The following CPNE4 variants were observed in gnomAD, a reference collection of about 807,000 sequenced individuals.
CPNE4 encodes the protein copine-4.
In CPNE4, 25 loss-of-function variants were observed where a neutral mutation model predicts 67.9. The observed-to-expected ratio is 0.37, with a 90% CI of 0.27 to 0.51. The LOEUF (loss-of-function observed/expected upper bound fraction) is 0.51. CPNE4 is among the 20% of genes least tolerant of loss of function. The pLI, the probability that CPNE4 is intolerant of heterozygous loss-of-function variation, is 0.93. For synonymous variants in CPNE4, 242 were observed against 244.9 expected (o/e 0.99, Z 0.11); for missense variants, 464 against 690.8 (o/e 0.67, Z 3.68).
intron 10 of CPNE4, among the ~76,000 whole-genome samples, chr3:131,567,421 CAT>C (rs1346699440): frequency 1.3e-5 from 2 of 151,852 alleles, no homozygotes; most frequent in African/African-American, 4.8e-5. Context: ...TAGAAAAAAA[CAT>C]ATCAGAGCTG....
intron 1 of CPNE4, among the ~76,000 whole-genome samples, chr3:131,919,680 TA>T (rs1259299532): frequency 1.3e-5 from 2 of 152,200 alleles, no homozygotes; most frequent in Non-Finnish European, 2.9e-5. Flanking sequence ...TGTACTCAGA[TA>T]AAATTTTACT....
chr3:131,801,424 G>GTA (rs2084117376), intron 2 of CPNE4, among the ~76,000 whole-genome samples: 1 of 77,046 alleles, frequency 1.3e-5, no homozygotes, highest in Non-Finnish European at 2.5e-5. Flanking sequence ...ACGTGTGTGT[G>GTA]TGTGTGTGTG....
intron 2 of CPNE4, among the ~76,000 whole-genome samples, chr3:131,774,726 T>C (rs1439227585): frequency 6.6e-6 from 1 of 152,112 alleles, no homozygotes; most frequent in African/African-American, 2.4e-5. Flanking sequence ...GGGAGACCCT[T>C]TGCTGCCTTT....
upstream of CPNE4, chr3:132,037,762 A>G (rs189551074): frequency 7.7e-4 from 468 of 609,034 alleles, 2 homozygotes; most frequent in African/African-American, 6.1e-3. Flanking sequence ...TGCCAATATG[A>G]AAGGCATCTC....
chr3:131,822,027 G>C (rs539832853), intron 2 of CPNE4, among the ~76,000 whole-genome samples: 1 of 152,342 alleles, frequency 6.6e-6, no homozygotes, highest in East Asian at 1.9e-4. Context: ...AATCTTGGGA[G>C]ATTGCTTACA....
At chr3:131,611,706 C>T (rs534534979) in intron 7 of CPNE4, among the ~76,000 whole-genome samples, 1 of 151,936 alleles carries the variant, frequency 6.6e-6, no homozygotes, top group East Asian at 1.9e-4. Context: ...CCTTTGCATA[C>T]CAGCCCCTGC....
rs185768060 is a variant in CPNE4, at chr3:131,969,290, G to A, written c.-1-63846C>T. On this transcript the variant is annotated intron_variant, in intron 1 of 15. Coordinates refer to ENST00000429747, the MANE Select transcript of CPNE4 (RefSeq NM_130808.3). ...TAAAACCTAGCTGACGGGTTGATGG[G>A]TGCAGCAAACCACCATGGCACATGT... Among the ~76,000 whole-genome samples, 736 of 151,976 alleles carry A rather than the reference G, an allele frequency of 4.8e-3. 4 individuals carry two copies. Among genetic ancestry groups the A allele is most frequent in the African/African-American group, 0.017 (684 of 41,424 alleles).
At chr3:131,810,883 A>G (rs2107938899) in intron 2 of CPNE4, among the ~76,000 whole-genome samples, 1 of 152,220 alleles carries the variant, frequency 6.6e-6, no homozygotes, top group South Asian at 2.1e-4. Flanking sequence ...GCCATTTGTG[A>G]CAACCTTGAT....
At chr3:131,947,339 T>C (rs2071582497) in intron 1 of CPNE4, among the ~76,000 whole-genome samples, 1 of 152,164 alleles carries the variant, frequency 6.6e-6, no homozygotes, top group African/African-American at 2.4e-5. Flanking sequence ...ATTTAGGTTT[T>C]AAACCCCACA....
chr3:131,638,654 C>T (rs1485594037), intron 7 of CPNE4, among the ~76,000 whole-genome samples: 2 of 152,060 alleles, frequency 1.3e-5, no homozygotes, highest in Admixed American at 1.3e-4. Flanking sequence ...CTTAACTATA[C>T]CCTAAAACAA....
chr3:131,894,067 T>A (rs1303399138), intron 2 of CPNE4, among the ~76,000 whole-genome samples: 7 of 151,784 alleles, frequency 4.6e-5, no homozygotes, highest in Admixed American at 6.6e-5. Flanking sequence ...CTTTAGATAG[T>A]CTAAACTGTT....
Position 131,535,173 on chromosome 3 carries a change from T to G in CPNE4, c.*22A>C, listed in dbSNP as rs1935064591. On this transcript the variant is annotated 3_prime_UTR_variant, in exon 16 of 16. Transcript: ENST00000429747. ...ATTAGCAGGAATAGTATTTCAGAAC[T>G]CTGTAAAACTGTGTGGGGAGTTCAT... 1 of 1,575,952 alleles carries G rather than the reference T, an allele frequency of 6.3e-7. No homozygotes were observed. The highest frequency in any genetic ancestry group is 1.4e-5 in the African/African-American group (1 of 73,636).
chr3:131,671,270 G>T (rs930377343), intron 6 of CPNE4, among the ~76,000 whole-genome samples: 1 of 152,062 alleles, frequency 6.6e-6, no homozygotes, highest in Admixed American at 6.5e-5. Flanking sequence ...GTACACTTAG[G>T]ATGATTAAAA....
intron 2 of CPNE4, among the ~76,000 whole-genome samples, chr3:131,800,196 TC>T (rs2084051458): frequency 6.6e-6 from 1 of 152,038 alleles, no homozygotes; most frequent in African/African-American, 2.4e-5. Context: ...TCTGTACCTA[TC>T]CAATGTGTAC....
chr3:131,738,362 G>GT (rs1392800329), intron 2 of CPNE4, among the ~76,000 whole-genome samples: 1 of 152,330 alleles, frequency 6.6e-6, no homozygotes. Context: ...TGAGCTGAAT[G>GT]TTTTTTGTAT....
At chr3:131,752,158 G>C (rs1312370574) in intron 2 of CPNE4, among the ~76,000 whole-genome samples, 1 of 151,998 alleles carries the variant, frequency 6.6e-6, no homozygotes, top group Non-Finnish European at 1.5e-5. Context: ...AGCCAGTGGG[G>C]GTGAAATCTC....
chr3:131,675,069 A>G (rs1350171239), intron 6 of CPNE4, among the ~76,000 whole-genome samples: 2 of 152,064 alleles, frequency 1.3e-5, no homozygotes, highest in South Asian at 2.1e-4. Context: ...TCATTGATCC[A>G]CTGGTCATTC....
At chr3:132,007,222 G>A (rs574432464) in intron 1 of CPNE4, among the ~76,000 whole-genome samples, 1 of 152,126 alleles carries the variant, frequency 6.6e-6, no homozygotes, top group South Asian at 2.1e-4. Context: ...CCCAAAATCT[G>A]GAAAAGTAAT....
chr3:131,558,148 AG>A (rs2107655181), intron 11 of CPNE4, among the ~76,000 whole-genome samples: 1 of 152,094 alleles, frequency 6.6e-6, no homozygotes, highest in South Asian at 2.1e-4. Flanking sequence ...CTCACCTACA[AG>A]GGGAATAATT....
Sources: gnomAD v4.1 joint callset for allele counts (sites outside exome capture counted in the v4.1 genomes callset) on GRCh38, gnomAD v4.1.1 for gene constraint, MANE v1.5 for transcripts, NCBI Gene and HGNC (gene_info 2026-07-23, HGNC 2026-07-21) for gene names.